OR56A3: variants seen among roughly 807,000 people sequenced by gnomAD.
OR56A3 encodes the protein olfactory receptor 56A3.
In OR56A3, 23 loss-of-function variants were observed where a neutral mutation model predicts 17.5. That is an observed-to-expected ratio of 1.32 (90% CI 0.95 to 1.87). OR56A3 has a LOEUF of 1.87. Ranked by LOEUF, OR56A3 falls within the 40% of genes most tolerant of loss-of-function variation. The pLI is 0.00. For missense variants in OR56A3, 366 were observed against 380.1 expected, an observed-to-expected ratio of 0.96 and a Z score of 0.31; for synonymous variants, 175 against 150.6, an observed-to-expected ratio of 1.16 and a Z score of -1.19.
the OR56A3 span, among the ~76,000 whole-genome samples, chr11:6,009,648 C>T: frequency 6.6e-6 from 1 of 152,130 alleles, no homozygotes; most frequent in African/African-American, 2.4e-5. Context: ...AATTGCCGCT[C>T]CTCTATAGGT....
the OR56A3 span, chr11:5,968,434 G>A: frequency 1.9e-6 from 3 of 1,593,746 alleles, no homozygotes; most frequent in African/African-American, 2.7e-5. Flanking sequence ...TGGAAACTGG[G>A]GAAACAAATG....
chr11:5,973,620 T>C, the OR56A3 span, among the ~76,000 whole-genome samples: 8 of 152,310 alleles, frequency 5.3e-5, 1 homozygote, highest in African/African-American at 1.7e-4. Context: ...TTGATTTTTT[T>C]TTCCTTCACC....
At chr11:5,994,240 A>C in the OR56A3 span, 1 of 555,060 alleles carries the variant, frequency 1.8e-6, no homozygotes, top group African/African-American at 1.9e-5. Context: ...CATCCAGTCC[A>C]GGTCTATCTC....
the OR56A3 span, among the ~76,000 whole-genome samples, chr11:5,974,050 C>T: frequency 6.6e-6 from 1 of 151,556 alleles, no homozygotes; most frequent in Admixed American, 6.6e-5. Context: ...CTCCTACGTG[C>T]TTCTTATTGA....
At chr11:5,975,915 A>G in the OR56A3 span, among the ~76,000 whole-genome samples, 1 of 151,954 alleles carries the variant, frequency 6.6e-6, no homozygotes, top group African/African-American at 2.4e-5. Flanking sequence ...ATAATATTAA[A>G]TTTAAAAAAA....
chr11:5,967,981 A>C, the OR56A3 span: 1 of 1,589,910 alleles, frequency 6.3e-7, no homozygotes, highest in Non-Finnish European at 8.6e-7. Context: ...TGTCCTGCAC[A>C]GTATCTGAGT....
At chr11:5,964,536 T>A in the OR56A3 span, among the ~76,000 whole-genome samples, 1 of 152,176 alleles carries the variant, frequency 6.6e-6, no homozygotes, top group African/African-American at 2.4e-5. Flanking sequence ...CTGAGGCTGG[T>A]ATAGTGCCAG....
At chr11:5,979,875 C>T in the OR56A3 span, among the ~76,000 whole-genome samples, 1 of 152,018 alleles carries the variant, frequency 6.6e-6, no homozygotes, top group African/African-American at 2.4e-5. Context: ...CAGAGATTCT[C>T]ATATGTTATA....
the OR56A3 span, chr11:6,021,510 A>T: frequency 6.6e-6 from 1 of 152,142 alleles, no homozygotes; most frequent in Non-Finnish European, 1.5e-5. Flanking sequence ...TATAATTATT[A>T]TGTATCAATT....
chr11:6,018,364 ATCT>A, the OR56A3 span, among the ~76,000 whole-genome samples: 1 of 152,162 alleles, frequency 6.6e-6, no homozygotes, highest in African/African-American at 2.4e-5. Context: ...AATTTTTTAA[ATCT>A]TCTCAGATCA....
the OR56A3 span, chr11:6,002,552 G>T: frequency 1.2e-6 from 2 of 1,614,232 alleles, no homozygotes; most frequent in East Asian, 2.2e-5. Context: ...CAAAGACCAC[G>T]GCCCTAGCCA....
the OR56A3 span, among the ~76,000 whole-genome samples, chr11:5,971,807 C>T: frequency 6.6e-6 from 1 of 152,104 alleles, no homozygotes; most frequent in Non-Finnish European, 1.5e-5. Flanking sequence ...TTCAATGCAC[C>T]TTGATTTAGG....
At chr11:5,962,846 T>G in the OR56A3 span, among the ~76,000 whole-genome samples, 1 of 152,250 alleles carries the variant, frequency 6.6e-6, no homozygotes, top group Non-Finnish European at 1.5e-5. Context: ...TTTTCTTTAG[T>G]GAGATACTTC....
Position 5,948,374 on chromosome 11 carries a change from T to A in OR56A3, c.*80T>A. 1 of 952,336 alleles carries A rather than the reference T, an allele frequency of 1.1e-6. No homozygotes were observed. Among genetic ancestry groups the A allele is most frequent in the Non-Finnish European group, 1.6e-6 (1 of 627,566 alleles). The allele number at this position is 952,336 out of a possible 1,614,324, so 59.0% of individuals were successfully genotyped here. A position where few individuals can be genotyped will look rare whatever the true frequency, so the allele number is the denominator to read the frequency against. Reference sequence around the variant, plus strand: ...ATGAGTGAGTGGGCTGAAATTCATATCTGTGACTTATAACCTCAAACTGGG... The same window carrying A: ...ATGAGTGAGTGGGCTGAAATTCATAACTGTGACTTATAACCTCAAACTGGG... On this transcript the variant is annotated 3_prime_UTR_variant, in exon 3 of 3. Transcript: ENST00000641160.
the OR56A3 span, among the ~76,000 whole-genome samples, chr11:5,978,641 T>A: frequency 6.6e-6 from 1 of 152,226 alleles, no homozygotes. Context: ...TTTCTGGATA[T>A]AGAATGGTAT....
chr11:6,003,119 C>A, the OR56A3 span: 117 of 1,582,044 alleles, frequency 7.4e-5, no homozygotes, highest in Middle Eastern at 6.8e-4. Flanking sequence ...GTATCTGTCC[C>A]AATAAAGTTT....
the OR56A3 span, among the ~76,000 whole-genome samples, chr11:6,010,644 C>A: frequency 1.3e-5 from 2 of 152,174 alleles, no homozygotes; most frequent in African/African-American, 2.4e-5. Flanking sequence ...AATTGTTATT[C>A]TTTGCAGATT....
the OR56A3 span, chr11:5,986,672 T>C: frequency 4.3e-6 from 7 of 1,613,944 alleles, no homozygotes; most frequent in East Asian, 2.2e-5. Flanking sequence ...ACCAGGTCGA[T>C]GGCAGCTAGC....
chr11:5,974,015 G>A, the OR56A3 span, among the ~76,000 whole-genome samples: 7 of 152,272 alleles, frequency 4.6e-5, no homozygotes, highest in African/African-American at 1.2e-4. Flanking sequence ...GGCTGGGGCT[G>A]GTAGTGAGTT....
Sources: gnomAD v4.1 joint callset for allele counts (sites outside exome capture counted in the v4.1 genomes callset) on GRCh38, gnomAD v4.1.1 for gene constraint, MANE v1.5 for transcripts, NCBI Gene and HGNC (gene_info 2026-07-23, HGNC 2026-07-21) for gene names.